COP1: variants seen among roughly 807,000 people sequenced by gnomAD.
COP1 encodes COP1 E3 ubiquitin ligase.
Under a neutral mutation model 101.3 loss-of-function variants are expected in COP1, and 24 were observed. That is an observed-to-expected ratio of 0.24 (90% CI 0.17 to 0.33). The LOEUF is 0.33. Ranked by LOEUF, COP1 falls within the 10% of genes least tolerant of loss-of-function variation. The probability of loss-of-function intolerance (pLI) is 1.00; values close to 1 mark genes in which losing one functional copy is unlikely to be tolerated. For synonymous variants in COP1, 347 were observed against 341.9 expected, an observed-to-expected ratio of 1.01 and a Z score of -0.17; for missense variants, 663 against 906.2, an observed-to-expected ratio of 0.73 and a Z score of 3.45.
chr1:176,054,537 C>T (rs1673120063), intron 11 of COP1, among the ~76,000 whole-genome samples: 1 of 152,172 alleles, frequency 6.6e-6, no homozygotes. Flanking sequence ...CTCCCACTAA[C>T]CACATCCTCC....
chr1:176,005,647 T>C (rs1480199650), intron 15 of COP1, among the ~76,000 whole-genome samples: 3 of 152,228 alleles, frequency 2.0e-5, no homozygotes, highest in African/African-American at 4.8e-5. Flanking sequence ...TCAGTTTCCA[T>C]GAAGTTGAGC....
chr1:176,030,652 A>G (rs1355620953), intron 14 of COP1, among the ~76,000 whole-genome samples: 2 of 152,228 alleles, frequency 1.3e-5, no homozygotes, highest in Non-Finnish European at 2.9e-5. Flanking sequence ...TTAGAATTCA[A>G]TATAACTGTC....
chr1:176,142,009 G>A (rs1319108239), intron 6 of COP1, among the ~76,000 whole-genome samples: 4 of 151,956 alleles, frequency 2.6e-5, no homozygotes, highest in Admixed American at 1.3e-4. Context: ...AGAATTACAG[G>A]CATGAGCCAC....
intron 15 of COP1, among the ~76,000 whole-genome samples, chr1:175,992,196 G>C (rs994180297): frequency 2.6e-5 from 4 of 152,168 alleles, no homozygotes; most frequent in Non-Finnish European, 4.4e-5. Flanking sequence ...CCTACCTCAA[G>C]CATTTATCCT....
intron 6 of COP1, among the ~76,000 whole-genome samples, chr1:176,142,093 G>T (rs566110180): frequency 9.2e-5 from 14 of 152,192 alleles, no homozygotes; most frequent in African/African-American, 3.4e-4. Context: ...ATAAATAAAT[G>T]ATAGAGTAGT....
In COP1 at chr1:176,162,858, C is replaced by T. The variant is rs1157206812; in HGVS notation, c.762+11G>A. ...CATTTAAAATTTTTTTTAAGTTTAG[C>T]TACCACTTACTGCTTCCAGTTGTTT... On this transcript the variant is annotated intron_variant, in intron 5 of 19. Transcript: ENST00000367669. The T allele has an allele frequency of 5.1e-6, 8 of 1,570,340 alleles. No homozygotes were observed. The highest frequency in any genetic ancestry group is 6.9e-6 in the Non-Finnish European group (8 of 1,163,192).
intron 14 of COP1, among the ~76,000 whole-genome samples, chr1:176,032,312 A>T (rs1477981276): frequency 6.6e-6 from 1 of 152,220 alleles, no homozygotes; most frequent in African/African-American, 2.4e-5. Context: ...TGAAAGATTA[A>T]ATACAAAGAT....
intron 8 of COP1, among the ~76,000 whole-genome samples, chr1:176,127,080 T>A (rs1688115797): frequency 6.6e-6 from 1 of 152,296 alleles, no homozygotes; most frequent in African/African-American, 2.4e-5. Context: ...CAGTGTTTTT[T>A]AAATTTTTAT....
chr1:176,028,161 T>A (rs1354293953), intron 14 of COP1, among the ~76,000 whole-genome samples: 1 of 152,176 alleles, frequency 6.6e-6, no homozygotes, highest in East Asian at 1.9e-4. Context: ...GGGATTATCA[T>A]AATTCAAGGT....
At chr1:176,128,915 C>T (rs1688466564) in intron 8 of COP1, among the ~76,000 whole-genome samples, 1 of 151,870 alleles carries the variant, frequency 6.6e-6, no homozygotes, top group Non-Finnish European at 1.5e-5. Context: ...CAAAGACTCA[C>T]TATGCAAAAA....
intron 6 of COP1, among the ~76,000 whole-genome samples, chr1:176,140,693 T>C (rs1283700928): frequency 1.3e-5 from 2 of 152,126 alleles, no homozygotes; most frequent in Non-Finnish European, 2.9e-5. Flanking sequence ...TTTAAAGATA[T>C]ATGAAGAAAA....
intron 11 of COP1, among the ~76,000 whole-genome samples, chr1:176,080,317 G>A (rs1423969773): frequency 6.6e-6 from 1 of 151,956 alleles, no homozygotes; most frequent in African/African-American, 2.4e-5. Flanking sequence ...AACTATATTA[G>A]AAAAGAAGGT....
chr1:175,976,270 CTTTTTTTTTTTTTTT>C lies in COP1; in HGVS notation c.2133+10658_2133+10672del, dbSNP rs10694480. ...TAAGTCTCTATATCAATTAGTCATT[CTTTTTTTTTTTTTTT>C]TTTTTTTTTTTAGACAGAGTCTTGC... On this transcript the variant is annotated intron_variant, in intron 18 of 19. Transcript: ENST00000367669. Among the ~76,000 whole-genome samples the C allele has an allele frequency of 2.0e-3, 116 of 56,862 alleles. 5 individuals carry two copies. The Middle Eastern group carries it at 0.058, about 28-fold the overall frequency. The allele number at this position is 56,862 out of a possible 152,430, so 37.3% of individuals were successfully genotyped here.
chr1:176,182,143 T>C (rs1281781870), intron 2 of COP1, among the ~76,000 whole-genome samples: 1 of 152,110 alleles, frequency 6.6e-6, no homozygotes, highest in African/African-American at 2.4e-5. Context: ...AATGCCACAA[T>C]GGATATGTAA....
At chr1:175,997,312 C>A (rs1660416079) in intron 15 of COP1, among the ~76,000 whole-genome samples, 1 of 152,136 alleles carries the variant, frequency 6.6e-6, no homozygotes, top group Admixed American at 6.5e-5. Context: ...AAAACCTAGG[C>A]AATACCATTC....
At position 176,043,169 on chromosome 1, in the gene COP1, A is replaced by G. The variant is rs201685020; in HGVS notation, c.1612+17T>C. 3,626 of 1,546,072 alleles carry G rather than the reference A, an allele frequency of 2.3e-3. 8 individuals are homozygous for G. The highest frequency in any genetic ancestry group is 2.9e-3 in the Non-Finnish European group (3,294 of 1,120,256). On this transcript the variant is annotated intron_variant, in intron 14 of 19. Transcript: ENST00000367669. ...GCCAGGGAGAAGGAGGTGCTGAGAA[A>G]GAGATTCAAACAGTACCTTTTGCAT...
intron 15 of COP1, among the ~76,000 whole-genome samples, chr1:176,026,612 C>G (rs538108782): frequency 5.8e-4 from 89 of 152,194 alleles, no homozygotes; most frequent in Admixed American, 9.8e-4. Context: ...ACTTGTTAGT[C>G]CATGTCCTCC....
chr1:176,049,586 C>A (rs1672187594), intron 11 of COP1, among the ~76,000 whole-genome samples: 1 of 151,956 alleles, frequency 6.6e-6, no homozygotes, highest in Non-Finnish European at 1.5e-5. Flanking sequence ...CCCCCTCAAA[C>A]CACCTTTTTT....
At chr1:176,048,260 A>G (rs1309081991) in intron 11 of COP1, among the ~76,000 whole-genome samples, 2 of 138,726 alleles carry the variant, frequency 1.4e-5, no homozygotes, top group African/African-American at 5.3e-5. Flanking sequence ...CTTGAACTCC[A>G]GGGCTCAAGC....
Sources: allele counts gnomAD v4.1 joint callset (sites outside exome capture counted in the v4.1 genomes callset), GRCh38; gene constraint gnomAD v4.1.1; transcripts MANE v1.5; gene names NCBI Gene and HGNC (gene_info 2026-07-23, HGNC 2026-07-21).